The following ABCG5 variants were observed in gnomAD, a reference collection of about 807,000 sequenced individuals.
ABCG5 encodes ATP binding cassette subfamily G member 5.
ABCG5 carries 64 observed loss-of-function variants against 64.5 expected under a neutral mutation model. That is an observed-to-expected ratio of 0.99 (90% CI 0.81 to 1.22). The LOEUF is 1.22. Ranked by LOEUF, ABCG5 falls within the 50% of genes most tolerant of loss-of-function variation. ABCG5 has a pLI of 0.00. For missense variants in ABCG5, 908 were observed against 829.5 expected (o/e 1.09, Z -1.16); for synonymous variants, 385 against 326.3 (o/e 1.18, Z -1.94).
chr2:43,831,702 G>T, intron 4 of ABCG5, 67 bp downstream of exon 4: 1 of 1,440,582 alleles, frequency 6.9e-7, no homozygotes, highest in Non-Finnish European at 9.5e-7. Flanking sequence ...CGTAGGCGAA[G>T]AGAGGAGGGC....
At chr2:43,823,445 G>A (rs896098476) in intron 9 of ABCG5, among the ~76,000 whole-genome samples, 2 of 152,088 alleles carry the variant, frequency 1.3e-5, no homozygotes, top group African/African-American at 2.4e-5. Flanking sequence ...TGCCTTTGGG[G>A]AATCCCTCTA....
intron 6 of ABCG5, among the ~76,000 whole-genome samples, chr2:43,825,307 A>C (rs949314526): frequency 3.3e-5 from 5 of 152,166 alleles, no homozygotes; most frequent in Non-Finnish European, 5.9e-5. Context: ...ATAGACAAGC[A>C]TGACTGGACC....
chr2:43,808,964 T>TACAC (rs56090427), downstream of ABCG5, among the ~76,000 whole-genome samples: 1,899 of 145,560 alleles, frequency 0.013, 19 homozygotes, highest in African/African-American at 0.024. Context: ...GGACAAAGGA[T>TACAC]ACACACACAC....
At chr2:43,810,325 T>C, downstream of ABCG5, 2 of 981,036 alleles carry the variant, frequency 2.0e-6, no homozygotes, top group Non-Finnish European at 2.4e-6. Context: ...CAGCACCAAT[T>C]TCACCCTGCT....
chr2:43,832,594 G>T (rs912404677), intron 2 of ABCG5: 16 of 172,664 alleles, frequency 9.3e-5, no homozygotes, highest in Non-Finnish European at 2.5e-5. Context: ...GAAATGCAGA[G>T]CCTCAAGCCG....
Position 43,824,023 on chromosome 2 carries a change from A to G in ABCG5, c.1214T>C (p.Leu405Pro). 1 of 1,614,250 alleles carries G rather than the reference A, an allele frequency of 6.2e-7. No homozygotes were observed. Among genetic ancestry groups the G allele is most frequent in the Non-Finnish European group, 8.5e-7 (1 of 1,180,048 alleles). The change falls in exon 9 of 13, where the codon CTG becomes CCG. Residue 405 changes from leucine to proline, a missense_variant. Physicochemically the swap from Leu to Pro is moderately conservative, Grantham distance 98. Coordinates refer to ENST00000405322, the MANE Select transcript of ABCG5 (RefSeq NM_022436.3). ...IMGLFLLFFV[L>P]RVRSNVLKGA... ...CTTTAGCACATTGCTTCGGACCCGCAGAACGAAGAAAAGGAGGAACAAACC... is the reference window on the plus strand; with the variant it reads ...CTTTAGCACATTGCTTCGGACCCGCGGAACGAAGAAAAGGAGGAACAAACC...
At chr2:43,820,791 T>G (rs1218712291) in intron 10 of ABCG5, among the ~76,000 whole-genome samples, 2 of 152,100 alleles carry the variant, frequency 1.3e-5, no homozygotes, top group African/African-American at 4.8e-5. Context: ...GTAGCTGGGA[T>G]TACAGGTGCG....
intron 4 of ABCG5, among the ~76,000 whole-genome samples, chr2:43,830,244 G>C (rs1019802359): frequency 6.6e-6 from 1 of 152,220 alleles, no homozygotes; most frequent in Admixed American, 6.5e-5. Context: ...GGAATTCAGA[G>C]TCCCTGGAAG....
chr2:43,813,741 A>C (rs1572737333), intron 12 of ABCG5, among the ~76,000 whole-genome samples: 1 of 84,180 alleles, frequency 1.2e-5, no homozygotes, highest in Non-Finnish European at 2.1e-5. Context: ...TTTTTGAGAC[A>C]CAGTTTCACT....
rs1284706812 is a variant in ABCG5, at chr2:43,813,674, G to GTT, written c.1763-367_1763-366dup. Reference sequence around the variant, plus strand: ...GAGTGGCCCTGAGATTTTTTTGGTTGTTTTTTTTTTGTTTTTTTTGGGGTT... The same window carrying GTT: ...GAGTGGCCCTGAGATTTTTTTGGTTGTTTTTTTTTTTTGTTTTTTTTGGGGTT... On this transcript the variant is annotated intron_variant, in intron 12 of 12. Coordinates refer to ENST00000405322, the MANE Select transcript of ABCG5 (RefSeq NM_022436.3). 7.5e-3 allele frequency among the ~76,000 whole-genome samples: 153 copies of GTT among 20,286 alleles called. 3 individuals are homozygous for GTT. The highest frequency in any genetic ancestry group is 0.017 in the African/African-American group (147 of 8,412). 13.3% of individuals were successfully genotyped at this position (20,286 alleles called of 152,430 possible). A position where few individuals can be genotyped will look rare whatever the true frequency, so the allele number is the denominator to read the frequency against.
At chr2:43,836,138 G>A (rs1405606589) in intron 2 of ABCG5, among the ~76,000 whole-genome samples, 1 of 151,812 alleles carries the variant, frequency 6.6e-6, no homozygotes, top group Non-Finnish European at 1.5e-5. Flanking sequence ...GACGGGTTTT[G>A]CCATGTTAGC....
intron 2 of ABCG5, 146 bp downstream of exon 2, chr2:43,837,688 G>T: frequency 9.5e-7 from 1 of 1,056,616 alleles, no homozygotes; most frequent in Non-Finnish European, 1.4e-6. Context: ...ATTTCACATT[G>T]GTAGCAGTTC....
chr2:43,813,515 G>T (rs947857986), intron 12 of ABCG5, among the ~76,000 whole-genome samples: 1 of 151,912 alleles, frequency 6.6e-6, no homozygotes, highest in Non-Finnish European at 1.5e-5. Context: ...TTTCTATTTT[G>T]GGTATAGATT....
Position 43,824,034 on chromosome 2 carries a change from AAGG to A in ABCG5, c.1200_1202del (p.Leu401del). ...TGCTTCGGACCCGCAGAACGAAGAA[AAGG>A]AGGAACAAACCCATGATCAGATTCT... On this transcript the variant is annotated inframe_deletion, in exon 9 of 13. Coordinates refer to ENST00000405322, the MANE Select transcript of ABCG5 (RefSeq NM_022436.3). 1 of 1,614,230 alleles carries A rather than the reference AAGG, an allele frequency of 6.2e-7. No homozygotes were observed. The highest frequency in any genetic ancestry group is 8.5e-7 in the Non-Finnish European group (1 of 1,180,038).
rs1305868688 is a variant in ABCG5 at position 43,824,432 on chromosome 2, A to C, written c.905T>G (p.Met302Arg). Reference protein sequence around the residue: ...PEHSNPFDFYMDLTSVDTQSK... With the variant: ...PEHSNPFDFYRDLTSVDTQSK... ...TTGGGTATCCACTGACGTCAGGTCCACTAAAAGTTTTTCCCAAAAGATGTC... is the reference window on the plus strand; with the variant it reads ...TTGGGTATCCACTGACGTCAGGTCCCCTAAAAGTTTTTCCCAAAAGATGTC... Residue 302 changes from methionine (M) to arginine (R), a missense_variant and splice_region_variant, in exon 8 of 13, where the codon ATG (methionine) becomes AGG (arginine). Coordinates refer to ENST00000405322, the MANE Select transcript of ABCG5 (RefSeq NM_022436.3). 1 of 1,613,730 alleles carries C rather than the reference A, an allele frequency of 6.2e-7. No homozygotes were observed. The highest frequency in any genetic ancestry group is 8.5e-7 in the Non-Finnish European group (1 of 1,180,038).
chr2:43,811,745 C>A (rs987203543), downstream of ABCG5, among the ~76,000 whole-genome samples: 2 of 152,012 alleles, frequency 1.3e-5, no homozygotes, highest in Admixed American at 1.3e-4. Flanking sequence ...CAGGCGCCTG[C>A]CACCATGCCC....
intron 2 of ABCG5, among the ~76,000 whole-genome samples, chr2:43,837,309 T>TG (rs960927664): frequency 6.6e-6 from 1 of 151,504 alleles, no homozygotes; most frequent in Non-Finnish European, 1.5e-5. Flanking sequence ...TTTGTAGAGA[T>TG]GGGGTCCCAC....
chr2:43,836,955 G>A (rs565830987), intron 2 of ABCG5, among the ~76,000 whole-genome samples: 2 of 150,146 alleles, frequency 1.3e-5, no homozygotes, highest in African/African-American at 4.9e-5. Flanking sequence ...CTTGAGCTCA[G>A]GAGGTTAAGG....
At chr2:43,827,420 G>T (rs13418826) in intron 5 of ABCG5, among the ~76,000 whole-genome samples, 1 of 152,006 alleles carries the variant, frequency 6.6e-6, no homozygotes. Flanking sequence ...GGCCGTCCTG[G>T]TCTACCACAG....
Sources: gnomAD v4.1 joint callset for allele counts (sites outside exome capture counted in the v4.1 genomes callset) on GRCh38, gnomAD v4.1.1 for gene constraint, MANE v1.5 for transcripts, NCBI Gene and HGNC (gene_info 2026-07-23, HGNC 2026-07-21) for gene names.